RTN1: variants seen among roughly 807,000 people sequenced by gnomAD.
RTN1 encodes the protein reticulon 1.
In RTN1, 25 loss-of-function variants were observed where a neutral mutation model predicts 65.5. The ratio of observed to expected loss-of-function variants is 0.38; its 90% CI spans 0.28 to 0.53. The LOEUF (loss-of-function observed/expected upper bound fraction) is 0.53. Ranked by LOEUF, RTN1 falls within the 20% of genes least tolerant of loss-of-function variation. RTN1 has a pLI of 0.79. For missense variants in RTN1, 983 were observed against 1,025.4 expected (o/e 0.96, Z 0.57); for synonymous variants, 471 against 447.6 (o/e 1.05, Z -0.66).
chr14:59,687,917 AGGCATACAG>A (rs1486533509), intron 3 of RTN1, among the ~76,000 whole-genome samples: 2 of 152,148 alleles, frequency 1.3e-5, no homozygotes, highest in African/African-American at 4.8e-5. Context: ...GCAGACCTCC[AGGCATACAG>A]AGAGCCTGTT....
chr14:59,608,191 T>A (rs1027166528), intron 3 of RTN1, among the ~76,000 whole-genome samples: 1 of 152,236 alleles, frequency 6.6e-6, no homozygotes, highest in Non-Finnish European at 1.5e-5. Context: ...CTGAAGGATC[T>A]ATGCAAATTT....
intron 2 of RTN1, among the ~76,000 whole-genome samples, chr14:59,734,487 G>T (rs530197647): frequency 6.6e-6 from 1 of 152,236 alleles, no homozygotes; most frequent in South Asian, 2.1e-4. Context: ...AAATAATCAT[G>T]ATAAAACAAT....
intron 3 of RTN1, among the ~76,000 whole-genome samples, chr14:59,688,543 C>T (rs1883894203): frequency 6.6e-6 from 1 of 152,174 alleles, no homozygotes; most frequent in African/African-American, 2.4e-5. Flanking sequence ...CAGCCCATTG[C>T]TTGAGGCAAC....
At chr14:59,718,344 T>C (rs1411595509) in intron 3 of RTN1, among the ~76,000 whole-genome samples, 2 of 152,228 alleles carry the variant, frequency 1.3e-5, no homozygotes, top group African/African-American at 4.8e-5. Flanking sequence ...AGTTTGAGTA[T>C]CTACTTTAAA....
At chr14:59,771,065 G>C (rs1885948591) in intron 1 of RTN1, among the ~76,000 whole-genome samples, 2 of 151,836 alleles carry the variant, frequency 1.3e-5, no homozygotes, top group East Asian at 1.9e-4. Flanking sequence ...AAAAAATTCT[G>C]TAATGGCATG....
At chr14:59,661,264 A>AAAG (rs1215364421) in intron 3 of RTN1, among the ~76,000 whole-genome samples, 3 of 150,214 alleles carry the variant, frequency 2.0e-5, no homozygotes, top group African/African-American at 7.3e-5. Flanking sequence ...CCAACCAAAA[A>AAAG]AAAAAAAAAA....
chr14:59,851,715 G>A (rs1887511453), intron 1 of RTN1, among the ~76,000 whole-genome samples: 1 of 151,980 alleles, frequency 6.6e-6, no homozygotes, highest in African/African-American at 2.4e-5. Flanking sequence ...AAATTAGCTG[G>A]GTGTGGTGGC....
intron 3 of RTN1, among the ~76,000 whole-genome samples, chr14:59,658,317 G>A (rs916959525): frequency 1.3e-5 from 2 of 152,320 alleles, no homozygotes; most frequent in African/African-American, 2.4e-5. Flanking sequence ...GTGGCTGTGG[G>A]AGCAGCTTCA....
intron 3 of RTN1, among the ~76,000 whole-genome samples, chr14:59,694,382 T>G (rs1884020627): frequency 6.6e-6 from 1 of 152,140 alleles, no homozygotes; most frequent in Non-Finnish European, 1.5e-5. Flanking sequence ...TGACAAACAC[T>G]CTAAGAATGG....
At chr14:59,608,614 G>A (rs2140165269) in intron 3 of RTN1, among the ~76,000 whole-genome samples, 1 of 152,310 alleles carries the variant, frequency 6.6e-6, no homozygotes, top group South Asian at 2.1e-4. Context: ...AGGTCTAAAA[G>A]AGTCTCCTTC....
rs1412816215 is a variant in RTN1 at position 59,746,279 on chromosome 14, G to A, written c.444C>T (p.Pro148=). The change falls in exon 2 of 9, where the codon CCC becomes CCT. Residue 148 remains proline, a synonymous_variant. Coordinates refer to ENST00000267484, the MANE Select transcript of RTN1 (RefSeq NM_021136.3). ...CTATCCCAGGCACATCTGGTAAGGA[G>A]GGGCCGGGTGTACCCAGCTCCTCAG... ...ESPEELGTPG[P]SLPDVPGIES... The A allele has an allele frequency of 6.2e-7, 1 of 1,613,470 alleles. No homozygotes were observed. Among genetic ancestry groups the A allele is most frequent in the African/African-American group, 1.3e-5 (1 of 74,998 alleles).
chr14:59,618,507 T>C (rs1882168881), intron 3 of RTN1, among the ~76,000 whole-genome samples: 1 of 152,228 alleles, frequency 6.6e-6, no homozygotes, highest in African/African-American at 2.4e-5. Flanking sequence ...AAGTTATCCT[T>C]AAAAACTCTG....
At chr14:59,601,529 T>A (rs565326382) in intron 8 of RTN1, among the ~76,000 whole-genome samples, 2 of 152,304 alleles carry the variant, frequency 1.3e-5, no homozygotes, top group East Asian at 3.9e-4. Flanking sequence ...TCTGTACCTA[T>A]CATATGAAGT....
intron 3 of RTN1, among the ~76,000 whole-genome samples, chr14:59,662,414 G>C (rs1475491271): frequency 6.8e-6 from 1 of 147,830 alleles, no homozygotes; most frequent in Non-Finnish European, 1.5e-5. Flanking sequence ...TGCGGTGTTT[G>C]TTTTTTTGTC....
chr14:59,761,548 G>A (rs530279009), intron 1 of RTN1, among the ~76,000 whole-genome samples: 2 of 152,280 alleles, frequency 1.3e-5, no homozygotes, highest in South Asian at 2.1e-4. Context: ...TCTCAGGTAT[G>A]TCCTTATTAG....
chr14:59,775,570 T>C (rs1886036118), intron 1 of RTN1, among the ~76,000 whole-genome samples: 1 of 152,136 alleles, frequency 6.6e-6, no homozygotes, highest in Admixed American at 6.6e-5. Flanking sequence ...ACTCAATCCT[T>C]ACAACAACCC....
intron 3 of RTN1, among the ~76,000 whole-genome samples, chr14:59,681,144 T>A (rs1883737355): frequency 6.6e-6 from 1 of 152,168 alleles, no homozygotes; most frequent in Non-Finnish European, 1.5e-5. Flanking sequence ...CTCATAAAAC[T>A]ACAAATCTAT....
chr14:59,838,775 G>A (rs1181772353), intron 1 of RTN1, among the ~76,000 whole-genome samples: 2 of 152,168 alleles, frequency 1.3e-5, no homozygotes, highest in East Asian at 1.9e-4. Flanking sequence ...TTAATACTAC[G>A]TGAAAATTGA....
In RTN1 at chr14:59,596,287, A is replaced by T. The variant is rs1422738791; in HGVS notation, c.*458T>A. The T allele has an allele frequency of 1.3e-5, 2 of 153,062 alleles. No homozygotes were observed. The highest frequency in any genetic ancestry group is 4.8e-5 in the African/African-American group (2 of 41,586). 9.5% of individuals were successfully genotyped at this position (153,062 alleles called of 1,614,324 possible). ...TTGTGTGTGTTGGAAAAATGCTAAA[A>T]CATCAGTCTACAATTCTATATATTG... On this transcript the variant is annotated 3_prime_UTR_variant, in exon 9 of 9. Coordinates refer to ENST00000267484, the MANE Select transcript of RTN1 (RefSeq NM_021136.3).
Sources: gnomAD v4.1 joint callset for allele counts (sites outside exome capture counted in the v4.1 genomes callset) on GRCh38, gnomAD v4.1.1 for gene constraint, MANE v1.5 for transcripts, NCBI Gene and HGNC (gene_info 2026-07-23, HGNC 2026-07-21) for gene names.